Variants in NALF1 observed in about 807,000 individuals in gnomAD.
The protein encoded by NALF1 is family with sequence similarity 155 member A.
A neutral mutation model predicts 48.4 loss-of-function variants in NALF1; 3 were observed. The ratio of observed to expected loss-of-function variants is 0.06; its 90% CI spans 0.03 to 0.16. The LOEUF (loss-of-function observed/expected upper bound fraction) is 0.16. Ranked by LOEUF, NALF1 falls within the 10% of genes least tolerant of loss-of-function variation. NALF1 has a pLI of 1.00. For missense variants in NALF1, 526 were observed against 571.5 expected (o/e 0.92, Z 0.81); for synonymous variants, 262 against 245.7 (o/e 1.07, Z -0.62).
chr13:107,332,341 C>T (rs1302987905), intron 1 of NALF1, among the ~76,000 whole-genome samples: 1 of 152,154 alleles, frequency 6.6e-6, no homozygotes, highest in African/African-American at 2.4e-5. Flanking sequence ...GGAATTACAT[C>T]AACACTGCTT....
At chr13:107,308,803 T>A (rs892274153) in intron 1 of NALF1, among the ~76,000 whole-genome samples, 14 of 152,214 alleles carry the variant, frequency 9.2e-5, no homozygotes, top group Admixed American at 3.9e-4. Flanking sequence ...AATCGCAACA[T>A]GACTTACAAT....
At chr13:107,546,478 C>T (rs1280464661) in intron 1 of NALF1, among the ~76,000 whole-genome samples, 1 of 152,158 alleles carries the variant, frequency 6.6e-6, no homozygotes, top group Non-Finnish European at 1.5e-5. Flanking sequence ...GATCAGCTCT[C>T]CTAAATACTG....
chr13:107,852,045 T>A (rs1406550208), intron 1 of NALF1, among the ~76,000 whole-genome samples: 2 of 151,688 alleles, frequency 1.3e-5, no homozygotes, highest in Non-Finnish European at 2.9e-5. Context: ...CAAACAATCC[T>A]CCTGCCTCAG....
At chr13:107,593,637 C>G (rs1426072304) in intron 1 of NALF1, among the ~76,000 whole-genome samples, 1 of 151,818 alleles carries the variant, frequency 6.6e-6, no homozygotes, top group Non-Finnish European at 1.5e-5. Context: ...CACTGAGATC[C>G]TAGGAGTCAA....
rs1878771481 is a variant in NALF1, at chr13:107,170,280, T to C, written c.*217A>G. ...AAACATTAAAACACAGTGTATAAAA[T>C]GGTGTGAGAAATTTAAAGTCACTTT... is the stretch of plus-strand genomic sequence containing the variant. On this transcript the variant is annotated 3_prime_UTR_variant, in exon 3 of 3. Transcript: ENST00000375915. 1 of 512,692 alleles carries C rather than the reference T, an allele frequency of 2.0e-6. No individual in the cohort carries two copies. Among genetic ancestry groups the C allele is most frequent in the South Asian group, 3.5e-5 (1 of 28,668 alleles). 31.8% of individuals were successfully genotyped at this position (512,692 alleles called of 1,614,324 possible).
Position 107,543,783 on chromosome 13 carries a change from A to C in NALF1, c.915+321899T>G, listed in dbSNP as rs568912278. ...TATACACACACATTTATACATGTATATGTGTATATATACACATATATACCC... is the reference window on the plus strand; with the variant it reads ...TATACACACACATTTATACATGTATCTGTGTATATATACACATATATACCC... On this transcript the variant is annotated intron_variant, in intron 1 of 2. Coordinates refer to ENST00000375915, the MANE Select transcript of NALF1 (RefSeq NM_001080396.3). Among the ~76,000 whole-genome samples the C allele has an allele frequency of 1.2e-4, 19 of 152,158 alleles. No homozygotes were observed. In the South Asian group the frequency reaches 3.7e-3, roughly 30 times the overall value.
chr13:107,737,905 C>T lies in NALF1; in HGVS notation c.915+127777G>A, dbSNP rs1260710022. On this transcript the variant is annotated intron_variant, in intron 1 of 2. Transcript: ENST00000375915. ...ATAGAAAATGCATCCACGTACAATT[C>T]GGGCAGAAGGGTATTAAAACATGTG... Among the ~76,000 whole-genome samples, 4 of 152,030 alleles carry T rather than the reference C, an allele frequency of 2.6e-5. No homozygotes were observed. The East Asian group carries it at 7.7e-4, about 29-fold the overall frequency.
intron 1 of NALF1, among the ~76,000 whole-genome samples, chr13:107,377,821 T>C (rs1160265907): frequency 6.6e-6 from 1 of 152,162 alleles, no homozygotes; most frequent in Non-Finnish European, 1.5e-5. Flanking sequence ...TAAAATGATC[T>C]AGCAGTTTGT....
chr13:107,208,116 C>A (rs779835498), intron 2 of NALF1, among the ~76,000 whole-genome samples: 12 of 152,198 alleles, frequency 7.9e-5, no homozygotes, highest in Non-Finnish European at 1.8e-4. Flanking sequence ...TTTTACAGAA[C>A]TTCAGGGTGA....
intron 1 of NALF1, among the ~76,000 whole-genome samples, chr13:107,339,151 A>G (rs891861872): frequency 1.3e-5 from 2 of 151,840 alleles, no homozygotes; most frequent in East Asian, 1.9e-4. Context: ...AAAAAAAAAA[A>G]AAAAAAGTTA....
chr13:107,228,683 G>A (rs1471818370), intron 1 of NALF1, among the ~76,000 whole-genome samples: 4 of 152,062 alleles, frequency 2.6e-5, no homozygotes, highest in African/African-American at 9.7e-5. Context: ...ACAATGGCCC[G>A]ATCTCTGCTC....
At chr13:107,487,797 AT>A (rs1258418999) in intron 1 of NALF1, among the ~76,000 whole-genome samples, 1 of 151,958 alleles carries the variant, frequency 6.6e-6, no homozygotes, top group African/African-American at 2.4e-5. Flanking sequence ...GCCTTATAGA[AT>A]GGGTTAGGGC....
chr13:107,642,208 T>C (rs760399290), intron 1 of NALF1, among the ~76,000 whole-genome samples: 1 of 152,212 alleles, frequency 6.6e-6, no homozygotes, highest in Non-Finnish European at 1.5e-5. Context: ...GAGGAAGTAG[T>C]TGCCATAATT....
In NALF1 at chr13:107,169,377, C is replaced by T. The variant is rs535252867; in HGVS notation, c.*1120G>A. 2.0e-5 allele frequency: 3 copies of T among 151,002 alleles called. No homozygotes were observed. In the South Asian group the frequency reaches 6.4e-4, roughly 32 times the overall value. 9.4% of individuals were successfully genotyped at this position (151,002 alleles called of 1,614,324 possible). A position where few individuals can be genotyped will look rare whatever the true frequency, so the allele number is the denominator to read the frequency against. ...AGCATTTCTAGTGTCTCTTCCACAA[C>T]AATAAGGGAGGAAAAGAAGTCCAGA... On this transcript the variant is annotated 3_prime_UTR_variant, in exon 3 of 3. Coordinates refer to ENST00000375915, the MANE Select transcript of NALF1 (RefSeq NM_001080396.3).
intron 1 of NALF1, among the ~76,000 whole-genome samples, chr13:107,846,117 C>A: frequency 6.6e-6 from 1 of 152,128 alleles, no homozygotes; most frequent in East Asian, 1.9e-4. Context: ...ATTCCAGGTC[C>A]CTCCCTGCTC....
intron 1 of NALF1, among the ~76,000 whole-genome samples, chr13:107,403,745 A>C (rs72650584): frequency 0.26 from 39,158 of 151,340 alleles, 5,106 homozygotes; most frequent in Admixed American, 0.3. Context: ...CACCTTTTTT[A>C]GAAACATATT....
chr13:107,262,359 G>A (rs1413376713), intron 1 of NALF1, among the ~76,000 whole-genome samples: 1 of 152,080 alleles, frequency 6.6e-6, no homozygotes, highest in South Asian at 2.1e-4. Flanking sequence ...AGGTTGCAGT[G>A]AGCTGAGATC....
chr13:107,725,052 TACTTCTGG>T (rs1256808715), intron 1 of NALF1, among the ~76,000 whole-genome samples: 1 of 152,224 alleles, frequency 6.6e-6, no homozygotes, highest in Non-Finnish European at 1.5e-5. Context: ...GTGTTTGTCT[TACTTCTGG>T]ATAAAAATAC....
chr13:107,588,018 G>A (rs558817200), intron 1 of NALF1, among the ~76,000 whole-genome samples: 1 of 152,062 alleles, frequency 6.6e-6, no homozygotes, highest in African/African-American at 2.4e-5. Context: ...ACTTTACCAA[G>A]AGACTTTATT....
Sources: gnomAD v4.1 joint callset for allele counts (sites outside exome capture counted in the v4.1 genomes callset) on GRCh38, gnomAD v4.1.1 for gene constraint, MANE v1.5 for transcripts, NCBI Gene and HGNC (gene_info 2026-07-23, HGNC 2026-07-21) for gene names.